FRMD4A: variants seen among roughly 807,000 people sequenced by gnomAD.
The protein encoded by FRMD4A is FERM domain-containing protein 4A.
In FRMD4A, 29 loss-of-function variants were observed where a neutral mutation model predicts 129.1. The ratio of observed to expected loss-of-function variants is 0.22; its 90% CI spans 0.17 to 0.31. FRMD4A has a LOEUF of 0.31. Ranked by LOEUF, FRMD4A falls within the 10% of genes least tolerant of loss-of-function variation. The pLI, the probability that FRMD4A is intolerant of heterozygous loss-of-function variation, is 1.00. For synonymous variants in FRMD4A, 634 were observed against 571.6 expected (o/e 1.11, Z -1.56); for missense variants, 1,272 against 1,375.8 (o/e 0.92, Z 1.19).
chr10:14,024,289 C>T (rs1030691754), intron 2 of FRMD4A, among the ~76,000 whole-genome samples: 4 of 152,192 alleles, frequency 2.6e-5, no homozygotes, highest in African/African-American at 9.7e-5. Context: ...GGACAGGGTC[C>T]CAAGGACTTT....
At chr10:13,843,867 G>A (rs2094006018) in intron 3 of FRMD4A, among the ~76,000 whole-genome samples, 1 of 152,208 alleles carries the variant, frequency 6.6e-6, no homozygotes, top group Admixed American at 6.5e-5. Context: ...CCCAGCAGCA[G>A]TGTAACCACT....
intron 2 of FRMD4A, among the ~76,000 whole-genome samples, chr10:14,091,104 A>G (rs1214820642): frequency 6.6e-6 from 1 of 152,220 alleles, no homozygotes; most frequent in Admixed American, 6.5e-5. Flanking sequence ...GGATTTCAAG[A>G]AAAGAGATGG....
At chr10:13,689,549 C>CTTTTTTTTTTTT (rs34800095) in intron 15 of FRMD4A, among the ~76,000 whole-genome samples, 61 of 128,634 alleles carry the variant, frequency 4.7e-4, no homozygotes, top group African/African-American at 1.8e-3. Flanking sequence ...TTAGAAGATT[C>CTTTTTTTTTTTT]TTTTTTTTTT....
At position 13,740,066 on chromosome 10, in the gene FRMD4A, A is replaced by G. The variant is rs750013940; in HGVS notation, c.672+128T>C. The G allele has an allele frequency of 7.2e-4, 497 of 686,494 alleles. 2 individuals are homozygous for G. The highest frequency in any genetic ancestry group is 4.4e-3 in the Middle Eastern group (15 of 3,448). 42.5% of individuals were successfully genotyped at this position (686,494 alleles called of 1,614,324 possible). A position where few individuals can be genotyped will look rare whatever the true frequency, so the allele number is the denominator to read the frequency against. On this transcript the variant is annotated intron_variant, in intron 11 of 24. Transcript: ENST00000357447. ...AGTGAGCCAAGATCGCACCCTGCAC[A>G]CCAGCCTGGGAGACAAAGCAAGACT... is the stretch of plus-strand genomic sequence containing the variant.
intron 2 of FRMD4A, among the ~76,000 whole-genome samples, chr10:14,023,178 G>A (rs768606782): frequency 1.6e-4 from 25 of 152,126 alleles, no homozygotes; most frequent in Non-Finnish European, 2.6e-4. Flanking sequence ...TCTCCCTTCT[G>A]GACGCATTCC....
intron 4 of FRMD4A, among the ~76,000 whole-genome samples, chr10:13,797,918 GAAA>G (rs10565021): frequency 0.098 from 13,730 of 140,712 alleles, 759 homozygotes; most frequent in Middle Eastern, 0.23. Context: ...TTTCGCACAA[GAAA>G]AAAAAAAAAA....
At chr10:14,228,616 C>T (rs1266844567) in intron 2 of FRMD4A, among the ~76,000 whole-genome samples, 2 of 152,190 alleles carry the variant, frequency 1.3e-5, no homozygotes, top group Non-Finnish European at 2.9e-5. Context: ...TTGTAAGAGG[C>T]AGACTTTTAA....
chr10:13,873,208 G>T (rs1477897022), intron 2 of FRMD4A, among the ~76,000 whole-genome samples: 1 of 138,390 alleles, frequency 7.2e-6, no homozygotes. Flanking sequence ...AAAAATAAAA[G>T]AATAGTTAGA....
intron 2 of FRMD4A, among the ~76,000 whole-genome samples, chr10:13,903,727 A>T (rs527690686): frequency 3.3e-5 from 5 of 152,206 alleles, no homozygotes; most frequent in East Asian, 1.9e-4. Context: ...AAATAAAAAA[A>T]AAATAGCCAG....
intron 2 of FRMD4A, among the ~76,000 whole-genome samples, chr10:14,254,344 C>T (rs2064069655): frequency 6.6e-6 from 1 of 152,178 alleles, no homozygotes; most frequent in Admixed American, 6.5e-5. Flanking sequence ...TGGAAAGTAA[C>T]CATACTCTCT....
At chr10:13,987,307 ATC>A (rs1365198841) in intron 2 of FRMD4A, among the ~76,000 whole-genome samples, 2 of 152,130 alleles carry the variant, frequency 1.3e-5, no homozygotes, top group Non-Finnish European at 2.9e-5. Context: ...AGAATGGAAA[ATC>A]GACTCTTAAG....
intron 2 of FRMD4A, among the ~76,000 whole-genome samples, chr10:13,954,816 AGT>A (rs1244580382): frequency 6.6e-6 from 1 of 152,168 alleles, no homozygotes; most frequent in Non-Finnish European, 1.5e-5. Context: ...ACCCTTTCAG[AGT>A]GCTGGTGTTT....
At chr10:13,920,502 A>C (rs2131256087) in intron 2 of FRMD4A, among the ~76,000 whole-genome samples, 1 of 152,364 alleles carries the variant, frequency 6.6e-6, no homozygotes, top group East Asian at 1.9e-4. Context: ...CTAGGTAGTA[A>C]GAACCTACAT....
At chr10:14,162,641 G>GTTTTTTTTTTTTTT (rs71388160) in intron 2 of FRMD4A, among the ~76,000 whole-genome samples, 64 of 118,330 alleles carry the variant, frequency 5.4e-4, no homozygotes, top group Admixed American at 7.2e-4. Context: ...TTTTTTTTTT[G>GTTTTTTTTTTTTTT]TTTTTTTTTT....
chr10:13,958,951 G>A (rs1725741783), intron 2 of FRMD4A, among the ~76,000 whole-genome samples: 1 of 152,216 alleles, frequency 6.6e-6, no homozygotes, highest in South Asian at 2.1e-4. Context: ...TTGGATGGTT[G>A]AGATGTAGTC....
At chr10:14,306,437 AT>A (rs1379289957) in intron 2 of FRMD4A, among the ~76,000 whole-genome samples, 14 of 152,232 alleles carry the variant, frequency 9.2e-5, no homozygotes, top group Non-Finnish European at 1.0e-4. Flanking sequence ...TAACCAGATA[AT>A]GCTTATAATA....
At chr10:14,112,837 C>CT (rs565585467) in intron 2 of FRMD4A, among the ~76,000 whole-genome samples, 2 of 152,176 alleles carry the variant, frequency 1.3e-5, no homozygotes, top group Non-Finnish European at 1.5e-5. Flanking sequence ...CCTGATTAAA[C>CT]TTTTTTTCTT....
At chr10:13,940,425 T>C (rs1463597914) in intron 2 of FRMD4A, among the ~76,000 whole-genome samples, 1 of 152,162 alleles carries the variant, frequency 6.6e-6, no homozygotes, top group African/African-American at 2.4e-5. Context: ...CAGCAGTCAA[T>C]GTTGTGTTGA....
In FRMD4A at chr10:13,903,804, A is replaced by G. The variant is rs907025904; in HGVS notation, c.46-44892T>C. ...AGGCAGAAGTGGGAAGATGGTGTGAACCCAGGTGTTGGAGGCTGCAGTGAG... is the reference window on the plus strand; with the variant it reads ...AGGCAGAAGTGGGAAGATGGTGTGAGCCCAGGTGTTGGAGGCTGCAGTGAG... On this transcript the variant is annotated intron_variant, in intron 2 of 24. Transcript: ENST00000357447. Among the ~76,000 whole-genome samples, 3 of 152,194 alleles carry G rather than the reference A, an allele frequency of 2.0e-5. No homozygotes were observed. In the East Asian group the frequency reaches 5.8e-4, roughly 29 times the overall value.
Sources: allele counts gnomAD v4.1 joint callset (sites outside exome capture counted in the v4.1 genomes callset), GRCh38; gene constraint gnomAD v4.1.1; transcripts MANE v1.5; gene names NCBI Gene and HGNC (gene_info 2026-07-23, HGNC 2026-07-21).